The following BACH2 variants were observed in gnomAD, a reference collection of about 807,000 sequenced individuals.
The protein encoded by BACH2 is transcription regulator protein BACH2.
BACH2 carries 5 observed loss-of-function variants against 61.8 expected under a neutral mutation model. That is an observed-to-expected ratio of 0.08 (90% CI 0.04 to 0.17). The LOEUF (loss-of-function observed/expected upper bound fraction) is 0.17, where lower values mean the gene tolerates loss of function less well. Ranked by LOEUF, BACH2 falls within the 10% of genes least tolerant of loss-of-function variation. The probability of loss-of-function intolerance (pLI) is 1.00; values close to 1 mark genes in which losing one functional copy is unlikely to be tolerated. For missense variants in BACH2, 824 were observed against 1,091.1 expected (o/e 0.76, Z 3.45); for synonymous variants, 446 against 440.1 (o/e 1.01, Z -0.17).
intron 2 of BACH2, among the ~76,000 whole-genome samples, chr6:90,263,954 T>G (rs1771244441): frequency 6.6e-6 from 1 of 152,158 alleles, no homozygotes; most frequent in African/African-American, 2.4e-5. Context: ...ATTTACAGGC[T>G]GAAAAGCTTA....
chr6:90,048,807 T>TATCC (rs1779907285), intron 5 of BACH2, among the ~76,000 whole-genome samples: 1 of 152,224 alleles, frequency 6.6e-6, no homozygotes, highest in Non-Finnish European at 1.5e-5. Flanking sequence ...TCTTAATGTG[T>TATCC]ATCCATTGAG....
At chr6:90,081,416 G>A (rs1019069953) in intron 5 of BACH2, among the ~76,000 whole-genome samples, 1 of 152,130 alleles carries the variant, frequency 6.6e-6, no homozygotes, top group African/African-American at 2.4e-5. Context: ...CCCCACACCC[G>A]TAACCAACCA....
At chr6:90,025,197 G>C (rs1267750059) in intron 5 of BACH2, among the ~76,000 whole-genome samples, 1 of 152,206 alleles carries the variant, frequency 6.6e-6, no homozygotes, top group Non-Finnish European at 1.5e-5. Context: ...CAGTGGGTGT[G>C]TGGACCAGGG....
At chr6:90,030,832 G>C (rs1778937527) in intron 5 of BACH2, among the ~76,000 whole-genome samples, 1 of 151,880 alleles carries the variant, frequency 6.6e-6, no homozygotes. Flanking sequence ...GAAAAAGAGG[G>C]AATCCTCCCT....
Position 90,100,728 on chromosome 6 carries a change from G to GACACACACACACACACACACAGAC in BACH2, c.-161-11620_-161-11619insGTCTGTGTGTGTGTGTGTGTGTGT, listed in dbSNP as rs1554245826. On this transcript the variant is annotated intron_variant, in intron 4 of 8. Coordinates refer to ENST00000257749, the MANE Select transcript of BACH2 (RefSeq NM_021813.4). ...ACACACACACACACACACACACACA[G>GACACACACACACACACACACAGAC]ACACACACACACACACACACACCCT... Among the ~76,000 whole-genome samples the GACACACACACACACACACACAGAC allele has an allele frequency of 3.3e-3, 463 of 142,350 alleles. 5 individuals carry two copies. Among genetic ancestry groups the GACACACACACACACACACACAGAC allele is most frequent in the East Asian group, 0.012 (56 of 4,700 alleles). The allele number at this position is 142,350 out of a possible 152,430, so 93.4% of individuals were successfully genotyped here. A position where few individuals can be genotyped will look rare whatever the true frequency, so the allele number is the denominator to read the frequency against.
chr6:89,942,468 G>C (rs1242726778), intron 7 of BACH2, among the ~76,000 whole-genome samples: 1 of 152,186 alleles, frequency 6.6e-6, no homozygotes, highest in Non-Finnish European at 1.5e-5. Context: ...AACAGGCCCA[G>C]TTGGGCTTAA....
Position 90,080,738 on chromosome 6 carries a change from C to G in BACH2, c.-13+8223G>C, listed in dbSNP as rs530054419. The G allele has an allele frequency of 1.0e-5, 10 of 984,606 alleles. No individual in the cohort carries two copies. The South Asian group carries it at 1.4e-4, about 14-fold the overall frequency. The allele number at this position is 984,606 out of a possible 1,614,324, so 61.0% of individuals were successfully genotyped here. A position where few individuals can be genotyped will look rare whatever the true frequency, so the allele number is the denominator to read the frequency against. On this transcript the variant is annotated intron_variant, in intron 5 of 8. Transcript: ENST00000257749. ...CATTAGGAAACAAAAGGCGTCAACCCTGAGAAAGGCATCTTTACCTGTGTG... is the reference window on the plus strand; with the variant it reads ...CATTAGGAAACAAAAGGCGTCAACCGTGAGAAAGGCATCTTTACCTGTGTG...
At chr6:90,164,998 A>T (rs1285764831) in intron 4 of BACH2, among the ~76,000 whole-genome samples, 20 of 152,124 alleles carry the variant, frequency 1.3e-4, no homozygotes, top group South Asian at 4.1e-4. Context: ...CTTTGAGAAC[A>T]GTCACAAGAC....
intron 5 of BACH2, among the ~76,000 whole-genome samples, chr6:90,028,253 G>T (rs1000124141): frequency 6.6e-6 from 1 of 152,188 alleles, no homozygotes; most frequent in African/African-American, 2.4e-5. Context: ...ATTATATAAA[G>T]AATGTCTGCT....
chr6:90,276,509 G>A (rs1771696367), intron 1 of BACH2, among the ~76,000 whole-genome samples: 1 of 152,212 alleles, frequency 6.6e-6, no homozygotes, highest in Non-Finnish European at 1.5e-5. Context: ...ATTCAGACAG[G>A]TTGCCTCTGG....
At chr6:90,136,467 A>G (rs549069264) in intron 4 of BACH2, among the ~76,000 whole-genome samples, 4 of 152,266 alleles carry the variant, frequency 2.6e-5, no homozygotes, top group South Asian at 4.1e-4. Flanking sequence ...TTATTACCTC[A>G]TATGTTTATT....
At chr6:90,280,171 T>C (rs1294586375) in intron 1 of BACH2, among the ~76,000 whole-genome samples, 2 of 152,188 alleles carry the variant, frequency 1.3e-5, no homozygotes, top group South Asian at 2.1e-4. Flanking sequence ...GAGATATATT[T>C]ATTTAAATAT....
intron 3 of BACH2, among the ~76,000 whole-genome samples, chr6:90,219,863 C>T (rs1390739445): frequency 6.6e-6 from 1 of 152,150 alleles, no homozygotes; most frequent in Non-Finnish European, 1.5e-5. Context: ...GTCAGTCTCA[C>T]ACAGGATGAC....
At chr6:90,286,928 G>A (rs1209177310) in intron 1 of BACH2, among the ~76,000 whole-genome samples, 3 of 152,188 alleles carry the variant, frequency 2.0e-5, no homozygotes, top group African/African-American at 4.8e-5. Context: ...AGAAAGACAC[G>A]GAGGTATAAC....
chr6:89,964,219 AAAAAAG>A (rs1486097239), intron 6 of BACH2, among the ~76,000 whole-genome samples: 2 of 151,778 alleles, frequency 1.3e-5, no homozygotes, highest in East Asian at 1.9e-4. Context: ...AAAAAAAAAA[AAAAAAG>A]AAAAGTAGTC....
At chr6:90,143,042 CTAACTCATT>C (rs1784512999) in intron 4 of BACH2, among the ~76,000 whole-genome samples, 1 of 152,128 alleles carries the variant, frequency 6.6e-6, no homozygotes, top group Non-Finnish European at 1.5e-5. Flanking sequence ...TCTTAGAAGG[CTAACTCATT>C]TATCCACTAT....
chr6:89,961,879 C>A (rs1238979124), intron 6 of BACH2, among the ~76,000 whole-genome samples: 2 of 152,204 alleles, frequency 1.3e-5, no homozygotes, highest in Admixed American at 1.3e-4. Context: ...TCAGATTTCA[C>A]TGTCACTTAT....
chr6:90,010,564 T>C (rs1395137341), intron 5 of BACH2, among the ~76,000 whole-genome samples: 5 of 152,238 alleles, frequency 3.3e-5, no homozygotes, highest in East Asian at 1.9e-4. Context: ...AACATTCACA[T>C]ACAATTCTTT....
intron 4 of BACH2, among the ~76,000 whole-genome samples, chr6:90,098,633 C>T (rs12212535): frequency 0.41 from 61,956 of 151,988 alleles, 13,660 homozygotes; most frequent in African/African-American, 0.56. Context: ...GCTCAAGGAC[C>T]CTTTGAAGAC....
Sources: allele counts gnomAD v4.1 joint callset (sites outside exome capture counted in the v4.1 genomes callset), GRCh38; gene constraint gnomAD v4.1.1; transcripts MANE v1.5; gene names NCBI Gene and HGNC (gene_info 2026-07-23, HGNC 2026-07-21).